Variants in CTR9 observed in about 807,000 individuals in gnomAD.
The protein encoded by CTR9 is CTR9 component of Paf1/RNA polymerase II complex.
A neutral mutation model predicts 152.1 loss-of-function variants in CTR9; 41 were observed. That is an observed-to-expected ratio of 0.27 (90% CI 0.21 to 0.35). The LOEUF (loss-of-function observed/expected upper bound fraction) is 0.35. CTR9 is among the 10% of genes least tolerant of loss of function. CTR9 has a pLI of 1.00. For synonymous variants in CTR9, 476 were observed against 496.2 expected (o/e 0.96, Z 0.54); for missense variants, 917 against 1,424.4 (o/e 0.64, Z 5.73).
chr11:10,751,253 A>T lies in CTR9; in HGVS notation c.-160A>T. 3 of 702,714 alleles carry T rather than the reference A, an allele frequency of 4.3e-6. No homozygotes were observed. Among genetic ancestry groups the T allele is most frequent in the Non-Finnish European group, 4.8e-6 (2 of 420,092 alleles). 43.5% of individuals were successfully genotyped at this position (702,714 alleles called of 1,614,324 possible). A position where few individuals can be genotyped will look rare whatever the true frequency, so the allele number is the denominator to read the frequency against. On this transcript the variant is annotated 5_prime_UTR_variant, in exon 1 of 25. Coordinates refer to ENST00000361367, the MANE Select transcript of CTR9 (RefSeq NM_014633.5). Reference sequence around the variant, plus strand: ...GTCCGCCGTCCGCTGCTCGTTGTTTAAGCGGCTGACGGGAAGGAGAAGCCA... The same window carrying T: ...GTCCGCCGTCCGCTGCTCGTTGTTTTAGCGGCTGACGGGAAGGAGAAGCCA...
Position 10,779,557 on chromosome 11 carries a change from T to C in CTR9, c.*452T>C, listed in dbSNP as rs1815305446. 6.1e-6 allele frequency: 1 copy of C among 165,208 alleles called. No homozygotes were observed. Among genetic ancestry groups the C allele is most frequent in the South Asian group, 1.5e-4 (1 of 6,544 alleles). 10.2% of individuals were successfully genotyped at this position (165,208 alleles called of 1,614,324 possible). On this transcript the variant is annotated 3_prime_UTR_variant, in exon 25 of 25. Transcript: ENST00000361367. ...TATTTTTATTTTCTGAAGGCAGAGA[T>C]ATCTACTGTATAATTGCACCAAAGT...
intron 4 of CTR9, among the ~76,000 whole-genome samples, chr11:10,756,403 C>CCCACCCT (rs1443329111): frequency 6.6e-6 from 1 of 152,162 alleles, no homozygotes. Context: ...TCTTCCTCCT[C>CCCACCCT]CCACCCTCCA....
rs757262404 is a variant in CTR9 at position 10,751,451 on chromosome 11, T to C, written c.39T>C (p.Thr13=). 5 of 1,613,706 alleles carry C rather than the reference T, an allele frequency of 3.1e-6. No homozygotes were observed. The South Asian group carries it at 5.5e-5, about 18-fold the overall frequency. Residue 13 remains threonine, a synonymous_variant, in exon 1 of 25, where the codon ACT becomes ACC. Transcript: ENST00000361367. ...RGSIEIPLRD[T]DEVIELDFDQ... is the part of the protein sequence containing the mutation. ...CCATCGAGATTCCCCTCCGGGACAC[T>C]GACGAGGTAAGTGTCGTGTATGGAG...
chr11:10,760,920 C>G (rs4258372), intron 6 of CTR9, among the ~76,000 whole-genome samples: 1 of 152,048 alleles, frequency 6.6e-6, no homozygotes, highest in South Asian at 2.1e-4. Flanking sequence ...ATTATTACAT[C>G]GGTCTTATAA....
chr11:10,763,336 T>G lies in CTR9; in HGVS notation c.850-95T>G. 5 of 803,410 alleles carry G rather than the reference T, an allele frequency of 6.2e-6. No homozygotes were observed. The South Asian group carries it at 7.5e-5, about 12-fold the overall frequency. 49.8% of individuals were successfully genotyped at this position (803,410 alleles called of 1,614,324 possible). A position where few individuals can be genotyped will look rare whatever the true frequency, so the allele number is the denominator to read the frequency against. ...ACTATTTATGAAGAAGATGGAAATG[T>G]ATCTTACAGGTAAACGAAGTGTTAG... On this transcript the variant is annotated intron_variant, in intron 7 of 24. Coordinates refer to ENST00000361367, the MANE Select transcript of CTR9 (RefSeq NM_014633.5).
At chr11:10,761,892 A>G in intron 6 of CTR9, 55 bp from the exon 7 acceptor site, 1 of 1,181,434 alleles carries the variant, frequency 8.5e-7, no homozygotes, top group South Asian at 1.4e-5. Flanking sequence ...AACTTCTTGA[A>G]AAGTGCTAAT....
chr11:10,761,114 C>T (rs1036171091), intron 6 of CTR9, among the ~76,000 whole-genome samples: 19 of 152,170 alleles, frequency 1.2e-4, no homozygotes, highest in African/African-American at 4.6e-4. Context: ...GGGGAACTGT[C>T]CCTTCCATTA....
At chr11:10,761,873 A>G in intron 6 of CTR9, 74 bp from the exon 7 acceptor site, 1 of 903,160 alleles carries the variant, frequency 1.1e-6, no homozygotes, top group Non-Finnish European at 1.7e-6. Context: ...ATTTCTTGTG[A>G]CTAAAGAAAA....
chr11:10,776,535 T>C (rs1195260215), intron 24 of CTR9, among the ~76,000 whole-genome samples: 1 of 152,208 alleles, frequency 6.6e-6, no homozygotes. Context: ...GTAGCCATCA[T>C]TTTCATTTAT....
Position 10,757,358 on chromosome 11 carries a change from G to C in CTR9, c.592+520G>C, listed in dbSNP as rs190120730. On this transcript the variant is annotated intron_variant, in intron 5 of 24. Coordinates refer to ENST00000361367, the MANE Select transcript of CTR9 (RefSeq NM_014633.5). ...TAATCTCAGCACTTTGGGAGGGTGA[G>C]GTAGAAGGATTGCTTGAGCCCAGGA... Among the ~76,000 whole-genome samples, 414 of 151,370 alleles carry C rather than the reference G, an allele frequency of 2.7e-3. 1 individual carries two copies. The highest frequency in any genetic ancestry group is 9.2e-3 in the African/African-American group (380 of 41,206).
intron 5 of CTR9, among the ~76,000 whole-genome samples, chr11:10,757,449 A>G (rs1862903505): frequency 6.6e-6 from 1 of 152,006 alleles, no homozygotes; most frequent in Admixed American, 6.6e-5. Flanking sequence ...CGCACATGGT[A>G]GTGCTTGTGG....
At chr11:10,754,590 T>C (rs531307355) in intron 2 of CTR9, among the ~76,000 whole-genome samples, 5 of 147,872 alleles carry the variant, frequency 3.4e-5, no homozygotes, top group Admixed American at 2.0e-4. Context: ...ACCCCACCCC[T>C]AATCCCTGTG....
chr11:10,761,746 G>T (rs1369261339), intron 6 of CTR9, among the ~76,000 whole-genome samples: 2 of 152,040 alleles, frequency 1.3e-5, no homozygotes, highest in East Asian at 3.8e-4. Context: ...GGAAAAAAGT[G>T]ACACACAAAA....
chr11:10,755,836 C>A, intron 4 of CTR9, 41 bp downstream of exon 4: 3 of 1,186,546 alleles, frequency 2.5e-6, no homozygotes, highest in South Asian at 2.5e-5. Context: ...CAGTTGTTTT[C>A]AGCATATGCC....
intron 2 of CTR9, 81 bp from the exon 3 acceptor site, chr11:10,754,877 A>G (rs1862861222): frequency 7.1e-7 from 1 of 1,409,848 alleles, no homozygotes; most frequent in African/African-American, 1.4e-5. Context: ...TATTACAAAT[A>G]AAGCTGCTGT....
intron 16 of CTR9, among the ~76,000 whole-genome samples, chr11:10,769,538 A>G (rs1211723050): frequency 6.6e-6 from 1 of 152,216 alleles, no homozygotes; most frequent in Non-Finnish European, 1.5e-5. Flanking sequence ...CCTAGATTGC[A>G]TATGGAGCTT....
Position 10,757,540 on chromosome 11 carries a change from G to A in CTR9, c.592+702G>A, listed in dbSNP as rs561587120. Among the ~76,000 whole-genome samples, 9 of 149,634 alleles carry A rather than the reference G, an allele frequency of 6.0e-5. No homozygotes were observed. The East Asian group carries it at 1.4e-3, about 24-fold the overall frequency. On this transcript the variant is annotated intron_variant, in intron 5 of 24. Transcript: ENST00000361367. ...CTGCAGTGAGCCATGTTCATGCCAC[G>A]GCACTCCAGCCTGGGCAACAGAGCC... is the stretch of plus-strand genomic sequence containing the variant.
intron 2 of CTR9, 36 bp downstream of exon 2, chr11:10,752,806 G>T (rs938268850): frequency 4.6e-6 from 7 of 1,511,738 alleles, no homozygotes; most frequent in Non-Finnish European, 6.4e-6. Context: ...TTTATTTGTT[G>T]ACTAGGAAAA....
Position 10,774,112 on chromosome 11 carries a change from G to A in CTR9, c.2828G>A (p.Ser943Asn). ...KKKKRRKGSG[S>N]EQEGEDEEGG... Reference sequence around the variant, plus strand: ...AAGAAGAGAAGAAAGGGTAGTGGCAGTGAACAAGAAGGTGAAGATGAGGAG... The same window carrying A: ...AAGAAGAGAAGAAAGGGTAGTGGCAATGAACAAGAAGGTGAAGATGAGGAG... The change falls in exon 22 of 25, where the codon AGT becomes AAT. Residue 943 changes from serine (S) to asparagine (N), a missense_variant. Physicochemically the swap from Ser to Asn is conservative, Grantham distance 46. This residue lies in a region of CTR9 where 384 missense variants were observed against 398.4 expected (regional missense o/e 0.96). Transcript: ENST00000361367. 1 of 1,606,670 alleles carries A rather than the reference G, an allele frequency of 6.2e-7. No homozygotes were observed. Among genetic ancestry groups the A allele is most frequent in the Non-Finnish European group, 8.5e-7 (1 of 1,173,226 alleles).
Sources: allele counts gnomAD v4.1 joint callset (sites outside exome capture counted in the v4.1 genomes callset), GRCh38; gene constraint gnomAD v4.1.1; regional missense constraint gnomAD v4.1.1; transcripts MANE v1.5; gene names NCBI Gene and HGNC (gene_info 2026-07-23, HGNC 2026-07-21).